Variants in FANCD2 observed in about 807,000 individuals in gnomAD.
The protein encoded by FANCD2 is Fanconi anemia group D2 protein.
Under a neutral mutation model 192.3 loss-of-function variants are expected in FANCD2, and 131 were observed. The ratio of observed to expected loss-of-function variants is 0.68; its 90% CI spans 0.59 to 0.79. FANCD2 has a LOEUF of 0.79. Ranked by LOEUF, FANCD2 falls within the 30% of genes least tolerant of loss-of-function variation. The probability of loss-of-function intolerance (pLI) is 0.00; values close to 1 mark genes in which losing one functional copy is unlikely to be tolerated. For missense variants in FANCD2, 1,508 were observed against 1,701.6 expected, an observed-to-expected ratio of 0.89 and a Z score of 2.00; for synonymous variants, 524 against 612.5, an observed-to-expected ratio of 0.86 and a Z score of 2.13.
chr3:10,051,576 G>A (rs1409960795), intron 17 of FANCD2, among the ~76,000 whole-genome samples: 1 of 151,824 alleles, frequency 6.6e-6, no homozygotes, highest in Non-Finnish European at 1.5e-5. Context: ...GAAGACTTGG[G>A]GAATAGAGTC....
At position 10,099,358 on chromosome 3, in the gene FANCD2, C is replaced by A. The variant is rs540249462; in HGVS notation, c.4281+543C>A. On this transcript the variant is annotated intron_variant, in intron 43 of 43. Coordinates refer to ENST00000675286, the MANE Select transcript of FANCD2 (RefSeq NM_001018115.3). Reference sequence around the variant, plus strand: ...TGTAGACATGGCTGGCGCAGTGGCTCATGCTTGTAATCCTAGCACTTTTTG... The same window carrying A: ...TGTAGACATGGCTGGCGCAGTGGCTAATGCTTGTAATCCTAGCACTTTTTG... 1.4e-5 allele frequency: 17 copies of A among 1,179,836 alleles called. No individual in the cohort carries two copies. The African/African-American group carries it at 2.4e-4, about 17-fold the overall frequency. The allele number at this position is 1,179,836 out of a possible 1,614,324, so 73.1% of individuals were successfully genotyped here. A position where few individuals can be genotyped will look rare whatever the true frequency, so the allele number is the denominator to read the frequency against.
intron 43 of FANCD2, 119 bp from the exon 44 acceptor site, chr3:10,101,065 TAAAA>T (rs78434344): frequency 4.9e-6 from 3 of 616,634 alleles, no homozygotes; most frequent in Admixed American, 2.6e-5. Context: ...AAGACTCCTT[TAAAA>T]AAAAAAAAAA....
chr3:10,034,466 T>C lies in FANCD2; in HGVS notation c.206-3T>C. On this transcript the variant is annotated splice_polypyrimidine_tract_variant and splice_region_variant and intron_variant, in intron 3 of 43. Transcript: ENST00000675286. ...GTGACCAGCTCTTCTTTTTTCTGCATAGCTGTGGATCAAATAGCTTTCCAA... is the reference window on the plus strand; with the variant it reads ...GTGACCAGCTCTTCTTTTTTCTGCACAGCTGTGGATCAAATAGCTTTCCAA... 1 of 1,610,434 alleles carries C rather than the reference T, an allele frequency of 6.2e-7. No homozygotes were observed. The highest frequency in any genetic ancestry group is 1.1e-5 in the South Asian group (1 of 91,022).
At chr3:10,069,773 G>T (rs1339905821) in intron 26 of FANCD2, among the ~76,000 whole-genome samples, 1 of 152,138 alleles carries the variant, frequency 6.6e-6, no homozygotes, top group African/African-American at 2.4e-5. Flanking sequence ...GCTCAATGGT[G>T]CCCAGGCTGG....
At chr3:10,089,135 A>C (rs1694421605) in intron 36 of FANCD2, among the ~76,000 whole-genome samples, 185 bp downstream of exon 36, 1 of 152,024 alleles carries the variant, frequency 6.6e-6, no homozygotes, top group South Asian at 2.1e-4. Context: ...AAATACAAAA[A>C]TTAGCCGGGC....
rs545110166 is a variant in FANCD2 at position 10,097,705 on chromosome 3, C to G, written c.4186-1015C>G. On this transcript the variant is annotated intron_variant, in intron 42 of 43. Transcript: ENST00000675286. ...GTCCTGAGACTATATACCTCCTTCT[C>G]GGCTGACAGGATTAAGACATTAAAG... Among the ~76,000 whole-genome samples the G allele has an allele frequency of 2.0e-5, 3 of 152,234 alleles. No homozygotes were observed. The South Asian group carries it at 6.2e-4, about 32-fold the overall frequency.
intron 20 of FANCD2, among the ~76,000 whole-genome samples, chr3:10,062,711 GTTTA>G (rs1695189389): frequency 6.6e-6 from 1 of 151,998 alleles, no homozygotes; most frequent in African/African-American, 2.4e-5. Context: ...TTATTTTTAT[GTTTA>G]TTTATTTATT....
intron 26 of FANCD2, among the ~76,000 whole-genome samples, chr3:10,068,020 C>G (rs2087768907): frequency 6.6e-6 from 1 of 152,058 alleles, no homozygotes; most frequent in African/African-American, 2.4e-5. Flanking sequence ...AGATCCATAG[C>G]TACTATTAAA....
At chr3:10,046,798 T>C in intron 15 of FANCD2, 75 bp downstream of exon 15, 1 of 1,204,248 alleles carries the variant, frequency 8.3e-7, no homozygotes, top group South Asian at 1.2e-5. Context: ...TTCATCTTAT[T>C]TCAGTCCATT....
At chr3:10,041,424 T>G (rs1309193588) in intron 9 of FANCD2, 199 bp from the exon 10 acceptor site, 2 of 506,668 alleles carry the variant, frequency 3.9e-6, no homozygotes, top group Non-Finnish European at 7.2e-6. Context: ...CTACTTTTAT[T>G]ATTTGAATTT....
Position 10,043,915 on chromosome 3 carries a change from A to G in FANCD2, c.1134+51A>G, listed in dbSNP as rs535496210. 89 of 1,437,360 alleles carry G rather than the reference A, an allele frequency of 6.2e-5. No individual in the cohort carries two copies. In the African/African-American group the frequency reaches 9.7e-4, roughly 16 times the overall value. The allele number at this position is 1,437,360 out of a possible 1,614,324, so 89.0% of individuals were successfully genotyped here. The stretch of plus-strand genomic sequence containing the variant: ...CAGTATTGCAGACTTAAAAGTAATG[A>G]CATTGGCTAGCTTGCCTTCCCACTG... On this transcript the variant is annotated intron_variant, in intron 14 of 43. Transcript: ENST00000675286.
chr3:10,039,367 T>C lies in FANCD2; in HGVS notation c.570+10T>C. 1 of 1,604,376 alleles carries C rather than the reference T, an allele frequency of 6.2e-7. No homozygotes were observed. The highest frequency in any genetic ancestry group is 8.5e-7 in the Non-Finnish European group (1 of 1,171,278). ...AGTTGTGGATGGCAAGGTAGGCTTA[T>C]GGACTTTATCTCTTGAATTTAAAGA... is the stretch of plus-strand genomic sequence containing the variant. On this transcript the variant is annotated intron_variant, in intron 8 of 43. Transcript: ENST00000675286.
At chr3:10,077,716 C>T (rs1401721539) in intron 29 of FANCD2, among the ~76,000 whole-genome samples, 5 of 151,904 alleles carry the variant, frequency 3.3e-5, no homozygotes, top group Non-Finnish European at 7.4e-5. Context: ...AGTGAGACCC[C>T]GTCTGTATAA....
intron 1 of FANCD2, 63 bp from the exon 2 acceptor site, chr3:10,028,562 T>G: frequency 9.0e-7 from 1 of 1,107,384 alleles, no homozygotes; most frequent in Non-Finnish European, 1.4e-6. Context: ...CTTTGAACAA[T>G]AGCTTTAACT....
chr3:10,095,691 C>A (rs1694912020), intron 41 of FANCD2, among the ~76,000 whole-genome samples: 1 of 152,184 alleles, frequency 6.6e-6, no homozygotes, highest in Admixed American at 6.5e-5. Flanking sequence ...CTTATGAGAA[C>A]ATCTTAGCAT....
intron 30 of FANCD2, among the ~76,000 whole-genome samples, chr3:10,080,664 AG>A (rs1455271080): frequency 6.6e-6 from 1 of 152,164 alleles, no homozygotes; most frequent in East Asian, 1.9e-4. Flanking sequence ...TCAGATACTC[AG>A]GAGGCTGAGG....
intron 41 of FANCD2, among the ~76,000 whole-genome samples, chr3:10,095,635 A>G (rs1456340139): frequency 2.0e-5 from 3 of 152,224 alleles, no homozygotes. Context: ...AGCCATCTGT[A>G]GAGGCTTTCA....
intron 14 of FANCD2, among the ~76,000 whole-genome samples, chr3:10,045,158 T>A (rs1384145568): frequency 6.6e-6 from 1 of 152,008 alleles, no homozygotes; most frequent in African/African-American, 2.4e-5. Flanking sequence ...TCTCTTTTTT[T>A]GTTTTGTTTT....
intron 17 of FANCD2, among the ~76,000 whole-genome samples, chr3:10,050,614 C>A (rs2087171477): frequency 8.3e-6 from 1 of 120,192 alleles, no homozygotes; most frequent in East Asian, 2.4e-4. Flanking sequence ...CAGAGCAAGA[C>A]TCTGTCTCAA....
Sources: allele counts gnomAD v4.1 joint callset (sites outside exome capture counted in the v4.1 genomes callset), GRCh38; gene constraint gnomAD v4.1.1; transcripts MANE v1.5; gene names NCBI Gene and HGNC (gene_info 2026-07-23, HGNC 2026-07-21).